The following SDK1 variants were observed in gnomAD, a reference collection of about 807,000 sequenced individuals.
The protein encoded by SDK1 is protein sidekick-1.
A neutral mutation model predicts 245.5 loss-of-function variants in SDK1; 157 were observed. The observed-to-expected ratio is 0.64, with a 90% CI of 0.56 to 0.73. SDK1 has a LOEUF of 0.73. Among genes scored for constraint, SDK1 ranks in the 30% least tolerant of loss-of-function variants. SDK1 has a pLI of 0.00. For missense variants in SDK1, 3,583 were observed against 3,002.3 expected (o/e 1.19, Z -4.52); for synonymous variants, 1,647 against 1,278.5 (o/e 1.29, Z -6.15).
At chr7:4,203,875 G>GTA (rs1273501379) in intron 35 of SDK1, among the ~76,000 whole-genome samples, 1 of 152,266 alleles carries the variant, frequency 6.6e-6, no homozygotes, top group African/African-American at 2.4e-5. Flanking sequence ...GTGCCTTGCT[G>GTA]TAGCATTGCT....
At position 3,940,525 on chromosome 7, in the gene SDK1, C is replaced by T. The variant is rs545444956; in HGVS notation, c.848-10398C>T. Among the ~76,000 whole-genome samples, 8 of 152,292 alleles carry T rather than the reference C, an allele frequency of 5.3e-5. No individual in the cohort carries two copies. The South Asian group carries it at 6.2e-4, about 12-fold the overall frequency. On this transcript the variant is annotated intron_variant, in intron 5 of 44. Coordinates refer to ENST00000404826, the MANE Select transcript of SDK1 (RefSeq NM_152744.4). ...TGGCCATCGTTCTCACTGTCCTCAG[C>T]GGACTCCCTGGGCCTCCTCTTTAAA... is the stretch of plus-strand genomic sequence containing the variant.
At chr7:3,454,423 T>TGTGTATGTGTGTGC (rs1554273965) in intron 1 of SDK1, among the ~76,000 whole-genome samples, 2 of 150,042 alleles carry the variant, frequency 1.3e-5, no homozygotes, top group Non-Finnish European at 3.0e-5. Context: ...TGTGTGTGTG[T>TGTGTATGTGTGTGC]GCTGTGTACA....
At chr7:3,553,926 A>T (rs957295153) in intron 1 of SDK1, among the ~76,000 whole-genome samples, 2 of 152,210 alleles carry the variant, frequency 1.3e-5, no homozygotes, top group African/African-American at 4.8e-5. Context: ...AGCCCCCATC[A>T]GAACCAGACA....
chr7:4,037,685 C>G (rs1411537492), intron 17 of SDK1, among the ~76,000 whole-genome samples: 3 of 152,010 alleles, frequency 2.0e-5, no homozygotes, highest in Non-Finnish European at 4.4e-5. Flanking sequence ...TTTCACAAAG[C>G]AAAAAGCAAG....
intron 2 of SDK1, among the ~76,000 whole-genome samples, chr7:3,621,284 G>T (rs908359566): frequency 6.6e-6 from 1 of 152,152 alleles, no homozygotes; most frequent in Non-Finnish European, 1.5e-5. Context: ...GGAGTTCAGG[G>T]ACTTGCTCTT....
intron 4 of SDK1, among the ~76,000 whole-genome samples, chr7:3,681,658 G>A (rs1328577963): frequency 6.6e-6 from 1 of 152,002 alleles, no homozygotes; most frequent in Non-Finnish European, 1.5e-5. Flanking sequence ...CAAAGATCAT[G>A]TGCTTTTTTT....
intron 1 of SDK1, among the ~76,000 whole-genome samples, chr7:3,528,868 T>A (rs1783243810): frequency 1.3e-5 from 2 of 152,012 alleles, no homozygotes. Flanking sequence ...CATTTGGGCT[T>A]TTTATGGGCT....
intron 4 of SDK1, among the ~76,000 whole-genome samples, chr7:3,656,974 C>G (rs1333347417): frequency 6.6e-6 from 1 of 152,008 alleles, no homozygotes. Flanking sequence ...GTCTCAATCT[C>G]CTGACCTCAT....
chr7:3,566,876 G>A lies in SDK1; in HGVS notation c.299-52204G>A, dbSNP rs539584930. Among the ~76,000 whole-genome samples the A allele has an allele frequency of 1.5e-3, 227 of 152,252 alleles. 2 individuals carry two copies. Among genetic ancestry groups the A allele is most frequent in the Non-Finnish European group, 2.4e-3 (163 of 68,016 alleles). ...GAAATAAGAATCGAAGCAGTAAAAT[G>A]ATATCCTTATTACACTAGCAAGAGT... On this transcript the variant is annotated intron_variant, in intron 1 of 44. Transcript: ENST00000404826.
intron 4 of SDK1, among the ~76,000 whole-genome samples, chr7:3,723,778 ATATACACGTACTTATACATATACACGTG>A (rs1778902680): frequency 6.7e-6 from 1 of 149,492 alleles, no homozygotes; most frequent in African/African-American, 2.5e-5. Context: ...ATACACGTGT[ATATACACGTACTTATACATATACACGTG>A]TATATACACG....
At chr7:3,537,438 G>A (rs973730443) in intron 1 of SDK1, among the ~76,000 whole-genome samples, 4 of 152,146 alleles carry the variant, frequency 2.6e-5, no homozygotes, top group Non-Finnish European at 5.9e-5. Context: ...CAAGGCCCCC[G>A]ACTGGAAATC....
At chr7:3,705,425 G>T (rs1026773648) in intron 4 of SDK1, among the ~76,000 whole-genome samples, 2 of 113,844 alleles carry the variant, frequency 1.8e-5, no homozygotes, top group Non-Finnish European at 3.8e-5. Flanking sequence ...TATTCCTAGT[G>T]ATTTTATTTT....
At chr7:4,253,261 C>G (rs1277841155) in intron 44 of SDK1, among the ~76,000 whole-genome samples, 1 of 152,078 alleles carries the variant, frequency 6.6e-6, no homozygotes, top group African/African-American at 2.4e-5. Flanking sequence ...AAATACAGGA[C>G]TTTATGGCTA....
At chr7:3,889,727 C>G (rs1583516895) in intron 5 of SDK1, among the ~76,000 whole-genome samples, 1 of 152,260 alleles carries the variant, frequency 6.6e-6, no homozygotes, top group South Asian at 2.1e-4. Context: ...CCAGGATGGT[C>G]TCAATCTCCT....
intron 1 of SDK1, among the ~76,000 whole-genome samples, chr7:3,567,434 T>A: frequency 6.6e-6 from 1 of 152,342 alleles, no homozygotes; most frequent in Non-Finnish European, 1.5e-5. Flanking sequence ...CAAAGGCTCA[T>A]CTTACTTTGA....
At chr7:4,047,113 G>GCA (rs1789074689) in intron 17 of SDK1, among the ~76,000 whole-genome samples, 1 of 152,116 alleles carries the variant, frequency 6.6e-6, no homozygotes, top group Admixed American at 6.5e-5. Flanking sequence ...TTAGCTGTAG[G>GCA]CGTTTTATAG....
chr7:3,699,635 G>A (rs1353836702), intron 4 of SDK1, among the ~76,000 whole-genome samples: 2 of 152,106 alleles, frequency 1.3e-5, no homozygotes, highest in African/African-American at 4.8e-5. Context: ...GAGCCTCAGA[G>A]ATTTCTGGGA....
chr7:4,240,835 G>C (rs1786472927), intron 42 of SDK1, among the ~76,000 whole-genome samples: 1 of 152,176 alleles, frequency 6.6e-6, no homozygotes, highest in Non-Finnish European at 1.5e-5. Flanking sequence ...GAGAAACCCG[G>C]GAAATACTGG....
At chr7:3,350,837 T>C (rs1330644282) in intron 1 of SDK1, among the ~76,000 whole-genome samples, 1 of 152,198 alleles carries the variant, frequency 6.6e-6, no homozygotes, top group East Asian at 1.9e-4. Flanking sequence ...AGTAGGACTG[T>C]TAAAATAGTT....
Sources: gnomAD v4.1 joint callset for allele counts (sites outside exome capture counted in the v4.1 genomes callset) on GRCh38, gnomAD v4.1.1 for gene constraint, MANE v1.5 for transcripts, NCBI Gene and HGNC (gene_info 2026-07-23, HGNC 2026-07-21) for gene names.